The following EYA2 variants were observed in gnomAD, a reference collection of about 807,000 sequenced individuals.
EYA2 encodes protein phosphatase EYA2.
In EYA2, 31 loss-of-function variants were observed where a neutral mutation model predicts 69.2. The ratio of observed to expected loss-of-function variants is 0.45; its 90% CI spans 0.34 to 0.60. The LOEUF (loss-of-function observed/expected upper bound fraction) is 0.60, where lower values mean the gene tolerates loss of function less well. Among genes scored for constraint, EYA2 ranks in the 20% least tolerant of loss-of-function variants. The probability of loss-of-function intolerance (pLI) is 0.02; values close to 1 mark genes in which losing one functional copy is unlikely to be tolerated. For missense variants in EYA2, 622 were observed against 701.2 expected (o/e 0.89, Z 1.28); for synonymous variants, 257 against 279.4 (o/e 0.92, Z 0.80).
intron 5 of EYA2, among the ~76,000 whole-genome samples, chr20:47,050,180 A>G (rs531065445): frequency 6.6e-6 from 1 of 152,212 alleles, no homozygotes; most frequent in Non-Finnish European, 1.5e-5. Flanking sequence ...AGAAATCTGC[A>G]TGGTTCTCAG....
intron 1 of EYA2, among the ~76,000 whole-genome samples, chr20:46,927,854 G>A (rs1283509602): frequency 6.6e-6 from 1 of 152,142 alleles, no homozygotes; most frequent in African/African-American, 2.4e-5. Flanking sequence ...TAAAATACGA[G>A]TCGCTAGTAC....
chr20:46,980,852 C>T (rs1352167988), intron 1 of EYA2, among the ~76,000 whole-genome samples: 2 of 152,172 alleles, frequency 1.3e-5, no homozygotes, highest in Admixed American at 6.5e-5. Context: ...GAGAACATGC[C>T]ATATTTGTCT....
At chr20:47,171,263 G>C (rs1307631887) in intron 11 of EYA2, among the ~76,000 whole-genome samples, 2 of 152,182 alleles carry the variant, frequency 1.3e-5, no homozygotes, top group African/African-American at 4.8e-5. Flanking sequence ...ACCTCACTTT[G>C]AGAATTCTCA....
At chr20:47,059,077 C>T (rs1337250290) in intron 5 of EYA2, among the ~76,000 whole-genome samples, 1 of 152,080 alleles carries the variant, frequency 6.6e-6, no homozygotes, top group Non-Finnish European at 1.5e-5. Flanking sequence ...TGACAGGAAA[C>T]AAATAAATAA....
intron 1 of EYA2, among the ~76,000 whole-genome samples, chr20:46,896,240 A>G (rs1425154419): frequency 1.3e-5 from 2 of 152,160 alleles, no homozygotes; most frequent in Non-Finnish European, 2.9e-5. Flanking sequence ...AGGAAATTAT[A>G]ACCAGTGGAC....
At chr20:46,938,204 A>G (rs1004252457) in intron 1 of EYA2, among the ~76,000 whole-genome samples, 1 of 152,212 alleles carries the variant, frequency 6.6e-6, no homozygotes, top group Non-Finnish European at 1.5e-5. Context: ...CACAGTGAAC[A>G]TCATATATTT....
intron 2 of EYA2, among the ~76,000 whole-genome samples, chr20:46,995,161 A>G (rs1204143387): frequency 1.3e-5 from 2 of 151,878 alleles, no homozygotes. Flanking sequence ...TAAGCCTCCC[A>G]AAGTGCTGGG....
At chr20:47,131,452 G>A (rs2033340238) in intron 9 of EYA2, among the ~76,000 whole-genome samples, 1 of 152,204 alleles carries the variant, frequency 6.6e-6, no homozygotes, top group African/African-American at 2.4e-5. Context: ...TTTTATAATT[G>A]CATGCTGTGG....
intron 1 of EYA2, among the ~76,000 whole-genome samples, chr20:46,969,304 G>A (rs961788239): frequency 8.6e-5 from 13 of 151,846 alleles, no homozygotes; most frequent in East Asian, 3.9e-4. Flanking sequence ...TGCAACCTCC[G>A]CCTCCTGGGC....
intron 1 of EYA2, among the ~76,000 whole-genome samples, chr20:46,962,735 A>G (rs2425920): frequency 0.95 from 145,172 of 152,260 alleles, 69,591 homozygotes; most frequent in Middle Eastern, 0.98. Flanking sequence ...ACCACGTAAC[A>G]GCAAAGTCTG....
chr20:47,004,815 A>C, intron 3 of EYA2, 127 bp from the exon 4 acceptor site: 1 of 1,233,080 alleles, frequency 8.1e-7, no homozygotes, highest in East Asian at 2.3e-5. Flanking sequence ...GATTTGGTGA[A>C]CATGTATGTT....
chr20:47,057,701 G>C (rs1054738128), intron 5 of EYA2, among the ~76,000 whole-genome samples: 2 of 152,224 alleles, frequency 1.3e-5, no homozygotes, highest in Non-Finnish European at 2.9e-5. Context: ...TGGAAGGGGG[G>C]ATGTCTGTTC....
chr20:46,941,262 A>G (rs1186943409), intron 1 of EYA2, among the ~76,000 whole-genome samples: 4 of 152,242 alleles, frequency 2.6e-5, no homozygotes, highest in Non-Finnish European at 5.9e-5. Context: ...AAATGGGCAC[A>G]GCCCACCTCA....
intron 1 of EYA2, among the ~76,000 whole-genome samples, chr20:46,985,667 GT>G (rs1001466891): frequency 6.6e-6 from 1 of 152,188 alleles, no homozygotes; most frequent in African/African-American, 2.4e-5. Flanking sequence ...GTAGGGAGTG[GT>G]GGGGACTGTG....
chr20:46,998,418 GTGA>G (rs1242714572), intron 2 of EYA2: 2 of 152,294 alleles, frequency 1.3e-5, no homozygotes, highest in East Asian at 3.8e-4. Flanking sequence ...TCCTGGTACT[GTGA>G]TGATGTTTGG....
chr20:47,026,554 T>G (rs1004974266), intron 5 of EYA2, among the ~76,000 whole-genome samples: 8 of 151,930 alleles, frequency 5.3e-5, no homozygotes, highest in African/African-American at 1.5e-4. Context: ...AAAAGAAATA[T>G]TTACATCTGA....
At chr20:47,149,108 T>A (rs2033768031) in intron 10 of EYA2, among the ~76,000 whole-genome samples, 1 of 152,164 alleles carries the variant, frequency 6.6e-6, no homozygotes, top group African/African-American at 2.4e-5. Context: ...AAGTATTATT[T>A]ATGTTTTGAG....
intron 5 of EYA2, among the ~76,000 whole-genome samples, chr20:47,036,045 G>C (rs1600658779): frequency 1.3e-5 from 2 of 152,234 alleles, no homozygotes; most frequent in Admixed American, 1.3e-4. Context: ...CGCTGAATGA[G>C]GGCTTCTGGG....
intron 1 of EYA2, among the ~76,000 whole-genome samples, chr20:46,986,268 T>G (rs1315540680): frequency 2.0e-5 from 3 of 148,392 alleles, no homozygotes; most frequent in Non-Finnish European, 3.0e-5. Context: ...ACACTGGAGA[T>G]ATATATATAA....
Sources: allele counts gnomAD v4.1 joint callset (sites outside exome capture counted in the v4.1 genomes callset), GRCh38; gene constraint gnomAD v4.1.1; transcripts MANE v1.5; gene names NCBI Gene and HGNC (gene_info 2026-07-23, HGNC 2026-07-21).